ABCB10: variants seen among roughly 807,000 people sequenced by gnomAD.
ABCB10 encodes the protein ATP binding cassette subfamily B member 10.
ABCB10 carries 54 observed loss-of-function variants against 65.4 expected under a neutral mutation model. The ratio of observed to expected loss-of-function variants is 0.83; its 90% CI spans 0.66 to 1.04. ABCB10 has a LOEUF of 1.04. Among genes scored for constraint, ABCB10 ranks in the 50% least tolerant of loss-of-function variants. The probability of loss-of-function intolerance (pLI) is 0.00; values close to 1 mark genes in which losing one functional copy is unlikely to be tolerated. For synonymous variants in ABCB10, 418 were observed against 406.5 expected, an observed-to-expected ratio of 1.03 and a Z score of -0.34; for missense variants, 846 against 976.6, an observed-to-expected ratio of 0.87 and a Z score of 1.78.
chr1:229,517,894 G>T lies in ABCB10; in HGVS notation c.*285C>A. The T allele has an allele frequency of 3.8e-6, 1 of 266,210 alleles. No individual in the cohort carries two copies. The highest frequency in any genetic ancestry group is 7.0e-6 in the Non-Finnish European group (1 of 142,296). 16.5% of individuals were successfully genotyped at this position (266,210 alleles called of 1,614,324 possible). On this transcript the variant is annotated 3_prime_UTR_variant, in exon 13 of 13. Coordinates refer to ENST00000344517, the MANE Select transcript of ABCB10 (RefSeq NM_012089.3). ...TTTAACAGCAGGCAAAAGAAAATGA[G>T]GTGCCATGCTATATTAATTAAAATA...
At chr1:229,527,648 CT>C (rs1329455461) in intron 8 of ABCB10, among the ~76,000 whole-genome samples, 7 of 152,300 alleles carry the variant, frequency 4.6e-5, no homozygotes, top group Non-Finnish European at 8.8e-5. Context: ...TTGTGCAAAG[CT>C]TTAATTCAGA....
intron 5 of ABCB10, among the ~76,000 whole-genome samples, 159 bp downstream of exon 5, chr1:229,540,447 T>G (rs2102698956): frequency 6.6e-6 from 1 of 152,346 alleles, no homozygotes; most frequent in Admixed American, 6.5e-5. Context: ...TTCTTCCTTT[T>G]TCACAAAAAT....
rs919448289 is a variant in ABCB10 at position 229,526,156 on chromosome 1, G to C, written c.1726-40C>G. 1.9e-6 allele frequency: 3 copies of C among 1,569,200 alleles called. No homozygotes were observed. In the African/African-American group the frequency reaches 4.1e-5, roughly 21 times the overall value. On this transcript the variant is annotated intron_variant, in intron 9 of 12. Coordinates refer to ENST00000344517, the MANE Select transcript of ABCB10 (RefSeq NM_012089.3). ...TAAAACATATCACGAATTTCAAACA[G>C]ACTTAAAACATGTCTAATAAATTTA...
rs1239309653 is a variant in ABCB10 at position 229,554,544 on chromosome 1, C to T, written c.517+3592G>A. Among the ~76,000 whole-genome samples, 7 of 152,226 alleles carry T rather than the reference C, an allele frequency of 4.6e-5. No individual in the cohort carries two copies. The East Asian group carries it at 7.7e-4, about 17-fold the overall frequency. Reference sequence around the variant, plus strand: ...AGTTGCCACATTATAAAAAGGAATACGTAAAATTAATTTTAATAACATTTT... The same window carrying T: ...AGTTGCCACATTATAAAAAGGAATATGTAAAATTAATTTTAATAACATTTT... On this transcript the variant is annotated intron_variant, in intron 1 of 12. Transcript: ENST00000344517.
intron 1 of ABCB10, among the ~76,000 whole-genome samples, chr1:229,553,172 G>A (rs116604452): frequency 0.015 from 2,260 of 151,984 alleles, 35 homozygotes; most frequent in Non-Finnish European, 0.022. Context: ...GTGCAATGGC[G>A]CAATCTCAGC....
rs547955048 is a variant in ABCB10 at position 229,522,276 on chromosome 1, G to A, written c.1907-641C>T. Among the ~76,000 whole-genome samples, 38 of 152,222 alleles carry A rather than the reference G, an allele frequency of 2.5e-4. No individual in the cohort carries two copies. In the South Asian group the frequency reaches 7.5e-3, roughly 30 times the overall value. On this transcript the variant is annotated intron_variant, in intron 10 of 12. Transcript: ENST00000344517. ...AGCTGGAGTGCAATGGCATGAACAC[G>A]GCTCATTGCAGCTTCAACCTCCTGG... is the stretch of plus-strand genomic sequence containing the variant.
chr1:229,558,684 G>A lies in ABCB10; in HGVS notation c.-32C>T, dbSNP rs1266599370. 4 of 1,263,492 alleles carry A rather than the reference G, an allele frequency of 3.2e-6. No individual in the cohort carries two copies. Among genetic ancestry groups the A allele is most frequent in the African/African-American group, 1.6e-5 (1 of 63,340 alleles). The allele number at this position is 1,263,492 out of a possible 1,614,324, so 78.3% of individuals were successfully genotyped here. On this transcript the variant is annotated 5_prime_UTR_variant, in exon 1 of 13. Coordinates refer to ENST00000344517, the MANE Select transcript of ABCB10 (RefSeq NM_012089.3). ...GCGTGCGACCCGTACGCCTCAGCCC[G>A]CCGGCCAGGCGCGCGCAAAGCCCGA... is the stretch of plus-strand genomic sequence containing the variant.
chr1:229,531,947 G>GTTTTTTTTTT (rs34289048), intron 6 of ABCB10: 1 of 130,520 alleles, frequency 7.7e-6, no homozygotes, highest in African/African-American at 3.8e-5. Flanking sequence ...CAGTTTCATA[G>GTTTTTTTTTT]TTTTTTTTTT....
rs1662224326 is a variant in ABCB10, at chr1:229,518,297, A to G, written c.2099T>C (p.Met700Thr). 6.2e-7 allele frequency: 1 copy of G among 1,614,226 alleles called. No homozygotes were observed. Among genetic ancestry groups the G allele is most frequent in the Non-Finnish European group, 8.5e-7 (1 of 1,180,040 alleles). ...HRLSTIKNAN[M>T]VAVLDQGKIT... ...TTTTCCTTGGTCAAGAACAGCAACC[A>G]TATTAGCATTCTTAATGGTGGACAG... The change falls in exon 13 of 13, where the codon ATG becomes ACG. Residue 700 changes from methionine to threonine, a missense_variant. By Grantham distance (81) the Met-to-Thr change is moderately conservative. Coordinates refer to ENST00000344517, the MANE Select transcript of ABCB10 (RefSeq NM_012089.3).
At chr1:229,552,504 C>A (rs968503329) in intron 1 of ABCB10, among the ~76,000 whole-genome samples, 6 of 152,144 alleles carry the variant, frequency 3.9e-5, no homozygotes, top group African/African-American at 1.4e-4. Flanking sequence ...TGAATTGCAG[C>A]AAAGATGGAA....
chr1:229,520,767 ACT>A (rs1453988560), intron 11 of ABCB10, among the ~76,000 whole-genome samples: 7 of 152,046 alleles, frequency 4.6e-5, no homozygotes, highest in African/African-American at 1.7e-4. Context: ...TCTCAAAAAC[ACT>A]CCACCTGTAC....
At chr1:229,526,141 C>CA in intron 9 of ABCB10, 25 bp from the exon 10 acceptor site, 1 of 1,595,506 alleles carries the variant, frequency 6.3e-7, no homozygotes, top group Non-Finnish European at 8.5e-7. Flanking sequence ...TAAAACATAT[C>CA]ACGAATTTCA....
Position 229,530,359 on chromosome 1 carries a change from C to T in ABCB10, c.1485G>A (p.Lys495=), listed in dbSNP as rs1221395321. Residue 495 remains lysine (K), a synonymous_variant, in exon 8 of 13, where the codon AAG becomes AAA. Transcript: ENST00000344517. ...GAGCTGGATAGGCAAAATGCACGTTCTTAAACTCCAAAGCACCCTGGAAGC... is the reference window on the plus strand; with the variant it reads ...GAGCTGGATAGGCAAAATGCACGTTTTTAAACTCCAAAGCACCCTGGAAGC... ...EKSFQGALEF[K]NVHFAYPARP... is the part of the protein sequence containing the mutation. The T allele has an allele frequency of 6.2e-7, 1 of 1,614,202 alleles. No homozygotes were observed. The highest frequency in any genetic ancestry group is 8.5e-7 in the Non-Finnish European group (1 of 1,180,028).
intron 6 of ABCB10, among the ~76,000 whole-genome samples, chr1:229,534,695 C>G (rs1662667261): frequency 6.6e-6 from 1 of 151,672 alleles, no homozygotes; most frequent in Admixed American, 6.6e-5. Flanking sequence ...ATGGTGAAAC[C>G]CCGTCTCTAC....
rs189857709 is a variant in ABCB10, at chr1:229,531,509, C to T, written c.1435+127G>A. ...CCTGACCACCTCCTCACCCGGCCCG[C>T]CATGCAGCAGGAGCCACATCCTTAC... is the stretch of plus-strand genomic sequence containing the variant. On this transcript the variant is annotated intron_variant, in intron 7 of 12. Coordinates refer to ENST00000344517, the MANE Select transcript of ABCB10 (RefSeq NM_012089.3). The T allele has an allele frequency of 4.8e-5, 44 of 920,614 alleles. No homozygotes were observed. In the African/African-American group the frequency reaches 5.5e-4, roughly 12 times the overall value. The allele number at this position is 920,614 out of a possible 1,614,324, so 57.0% of individuals were successfully genotyped here.
At chr1:229,543,001 C>T (rs577763229) in intron 3 of ABCB10, among the ~76,000 whole-genome samples, 2 of 151,948 alleles carry the variant, frequency 1.3e-5, no homozygotes, top group African/African-American at 2.4e-5. Context: ...TGTTGGGGCA[C>T]GTGCCTGTAA....
At chr1:229,518,795 T>C (rs1368157945) in intron 12 of ABCB10, 46 bp downstream of exon 12, 9 of 1,464,760 alleles carry the variant, frequency 6.1e-6, no homozygotes. Flanking sequence ...GAAGGAAGAA[T>C]TTGGTTTAAT....
rs189223793 is a variant in ABCB10, at chr1:229,533,270, C to T, written c.1340-1539G>A. On this transcript the variant is annotated intron_variant, in intron 6 of 12. Transcript: ENST00000344517. Reference sequence around the variant, plus strand: ...TCCCGAGTAGCTGGGATTACAGGTGCCCCCCACCATGCCTGGCTAATCTTT... The same window carrying T: ...TCCCGAGTAGCTGGGATTACAGGTGTCCCCCACCATGCCTGGCTAATCTTT... 1.3e-3 allele frequency among the ~76,000 whole-genome samples: 202 copies of T among 152,010 alleles called. 2 individuals carry two copies. The highest frequency in any genetic ancestry group is 4.7e-3 in the African/African-American group (193 of 41,448).
chr1:229,542,448 A>AGT (rs1393048750), intron 3 of ABCB10, 77 bp from the exon 4 acceptor site: 72 of 1,520,938 alleles, frequency 4.7e-5, no homozygotes, highest in Admixed American at 2.3e-4. Context: ...ACGAAAGGGG[A>AGT]GTGTGTGTGT....
Sources: allele counts gnomAD v4.1 joint callset (sites outside exome capture counted in the v4.1 genomes callset), GRCh38; gene constraint gnomAD v4.1.1; transcripts MANE v1.5; gene names NCBI Gene and HGNC (gene_info 2026-07-23, HGNC 2026-07-21).